The following RNF6 variants were observed in gnomAD, a reference collection of about 807,000 sequenced individuals.
RNF6 encodes E3 ubiquitin-protein ligase RNF6.
A neutral mutation model predicts 50.1 loss-of-function variants in RNF6; 21 were observed. The ratio of observed to expected loss-of-function variants is 0.42; its 90% CI spans 0.30 to 0.60. RNF6 has a LOEUF of 0.60. Among genes scored for constraint, RNF6 ranks in the 20% least tolerant of loss-of-function variants. The pLI, the probability that RNF6 is intolerant of heterozygous loss-of-function variation, is 0.20. For synonymous variants in RNF6, 255 were observed against 291.8 expected (o/e 0.87, Z 1.29); for missense variants, 698 against 838.2 (o/e 0.83, Z 2.07).
intron 5 of RNF6, among the ~76,000 whole-genome samples, chr13:26,146,005 G>A (rs1008334271): frequency 6.6e-6 from 1 of 152,166 alleles, no homozygotes; most frequent in Non-Finnish European, 1.5e-5. Context: ...TTGATCACCT[G>A]ACCTCTATAA....
At position 26,213,627 on chromosome 13, in the gene RNF6, T is replaced by C; in HGVS notation, c.*197A>G. 1 of 439,516 alleles carries C rather than the reference T, an allele frequency of 2.3e-6. No individual in the cohort carries two copies. Among genetic ancestry groups the C allele is most frequent in the South Asian group, 5.5e-5 (1 of 18,212 alleles). The allele number at this position is 439,516 out of a possible 1,614,324, so 27.2% of individuals were successfully genotyped here. A position where few individuals can be genotyped will look rare whatever the true frequency, so the allele number is the denominator to read the frequency against. ...AGCAATATTAACTATTCTGTATTTC[T>C]GGATAATTTAACATTTGTATTTTAA... On this transcript the variant is annotated 3_prime_UTR_variant, in exon 5 of 5. Coordinates refer to ENST00000381588, the MANE Select transcript of RNF6 (RefSeq NM_005977.4).
At chr13:26,185,253 C>A (rs988154926) in intron 5 of RNF6, among the ~76,000 whole-genome samples, 57 of 152,234 alleles carry the variant, frequency 3.7e-4, no homozygotes, top group Non-Finnish European at 4.4e-5. Context: ...CTGACCGCCT[C>A]GGCCTCCAAA....
downstream of RNF6, among the ~76,000 whole-genome samples, chr13:26,207,788 G>A (rs1869167722): frequency 6.6e-6 from 1 of 152,178 alleles, no homozygotes; most frequent in South Asian, 2.1e-4. Flanking sequence ...CACCAGTGCC[G>A]TGAATATGGG....
chr13:26,148,571 G>A (rs1322386401), intron 5 of RNF6, among the ~76,000 whole-genome samples: 2 of 131,556 alleles, frequency 1.5e-5, no homozygotes, highest in African/African-American at 5.8e-5. Context: ...ACCACTCTTG[G>A]TACCAAAATC....
chr13:26,137,107 G>A (rs1870682948), intron 5 of RNF6, among the ~76,000 whole-genome samples: 1 of 152,142 alleles, frequency 6.6e-6, no homozygotes, highest in East Asian at 1.9e-4. Flanking sequence ...TACTGGATCT[G>A]TTTGATGGTT....
chr13:26,155,149 A>T (rs565508658), intron 5 of RNF6, among the ~76,000 whole-genome samples: 20 of 152,256 alleles, frequency 1.3e-4, no homozygotes, highest in African/African-American at 4.6e-4. Flanking sequence ...TTATTAAAAG[A>T]TATTTTAAAT....
At chr13:26,196,747 A>AC (rs59761171) in intron 5 of RNF6, among the ~76,000 whole-genome samples, 149,617 of 151,982 alleles carry the variant, frequency 0.98, 73,747 homozygotes, top group East Asian at 1. Flanking sequence ...GGGAAAGTAT[A>AC]CAGATAGAGA....
intron 5 of RNF6, among the ~76,000 whole-genome samples, chr13:26,152,937 G>A (rs1871698476): frequency 6.6e-6 from 1 of 152,078 alleles, no homozygotes; most frequent in Non-Finnish European, 1.5e-5. Flanking sequence ...GGCGGATCAT[G>A]AGGTCAGGAG....
chr13:26,198,051 A>G (rs1475678253), intron 5 of RNF6, among the ~76,000 whole-genome samples: 3 of 80,500 alleles, frequency 3.7e-5, no homozygotes, highest in Admixed American at 1.4e-4. Flanking sequence ...ATGTGTATAT[A>G]TACATACATA....
At chr13:26,184,913 A>G (rs1458785084) in intron 5 of RNF6, among the ~76,000 whole-genome samples, 1 of 152,128 alleles carries the variant, frequency 6.6e-6, no homozygotes, top group East Asian at 1.9e-4. Context: ...CTCTCCCTAC[A>G]AACTGTCTAC....
At chr13:26,217,506 G>C (rs982620829) in intron 4 of RNF6, among the ~76,000 whole-genome samples, 3 of 152,218 alleles carry the variant, frequency 2.0e-5, no homozygotes. Flanking sequence ...GAGAGTAAGC[G>C]ATACATCCTA....
chr13:26,204,627 A>G (rs144500723), intron 5 of RNF6, among the ~76,000 whole-genome samples: 5 of 152,268 alleles, frequency 3.3e-5, no homozygotes, highest in African/African-American at 1.2e-4. Flanking sequence ...TCGAGAGCCC[A>G]AAAAGGATGT....
At chr13:26,186,321 G>A (rs573568863) in intron 5 of RNF6, among the ~76,000 whole-genome samples, 1 of 152,400 alleles carries the variant, frequency 6.6e-6, no homozygotes, top group African/African-American at 2.4e-5. Context: ...GCTTTGAGCA[G>A]TTAAAAACCC....
intron 5 of RNF6, among the ~76,000 whole-genome samples, chr13:26,167,685 C>T (rs4770933): frequency 0.73 from 111,601 of 152,080 alleles, 41,381 homozygotes; most frequent in East Asian, 0.81. Flanking sequence ...TTTGACCCAG[C>T]GATCCCATTA....
At chr13:26,175,514 A>C (rs1872913252) in intron 5 of RNF6, among the ~76,000 whole-genome samples, 1 of 152,200 alleles carries the variant, frequency 6.6e-6, no homozygotes, top group Non-Finnish European at 1.5e-5. Flanking sequence ...GGATAGCCTT[A>C]GTGCTCACCT....
At chr13:26,184,221 C>T (rs1220452474) in intron 5 of RNF6, among the ~76,000 whole-genome samples, 4 of 151,406 alleles carry the variant, frequency 2.6e-5, no homozygotes, top group Non-Finnish European at 5.9e-5. Context: ...TTAGCAGAGA[C>T]GGGGTTCCAC....
At chr13:26,208,334 C>A (rs754760291), downstream of RNF6, among the ~76,000 whole-genome samples, 2 of 152,178 alleles carry the variant, frequency 1.3e-5, no homozygotes, top group Non-Finnish European at 2.9e-5. Flanking sequence ...GCCTGTATGA[C>A]CAGCCCCCAG....
chr13:26,184,969 T>A (rs561020865), intron 5 of RNF6, among the ~76,000 whole-genome samples: 1 of 151,102 alleles, frequency 6.6e-6, no homozygotes, highest in Admixed American at 6.6e-5. Flanking sequence ...TTAGAACTTG[T>A]AGGTATTGTT....
chr13:26,214,297 T>C lies in RNF6; in HGVS notation c.1585A>G (p.Arg529Gly), dbSNP rs199503414. ...ELSNLGTDNN[R>G]SQHREGSSQD... Reference sequence around the variant, plus strand: ...GAGGAACCTTCCCTGTGCTGGCTCCTGTTGTTATCTGTACCTAAGTTACTC... The same window carrying C: ...GAGGAACCTTCCCTGTGCTGGCTCCCGTTGTTATCTGTACCTAAGTTACTC... The change falls in exon 5 of 5, where the codon AGG becomes GGG. Residue 529 changes from arginine (R) to glycine (G), a missense_variant. By Grantham distance (125) the Arg-to-Gly change is moderately radical. Transcript: ENST00000381588. The C allele has an allele frequency of 6.2e-7, 1 of 1,614,128 alleles. No individual in the cohort carries two copies. Among genetic ancestry groups the C allele is most frequent in the Non-Finnish European group, 8.5e-7 (1 of 1,179,988 alleles).
Sources: allele counts gnomAD v4.1 joint callset (sites outside exome capture counted in the v4.1 genomes callset), GRCh38; gene constraint gnomAD v4.1.1; transcripts MANE v1.5; gene names NCBI Gene and HGNC (gene_info 2026-07-23, HGNC 2026-07-21).